PMM2: variants seen among roughly 807,000 people sequenced by gnomAD.
PMM2 encodes the protein phosphomannomutase 2.
PMM2 carries 35 observed loss-of-function variants against 33.2 expected under a neutral mutation model. The observed-to-expected ratio is 1.06, with a 90% CI of 0.81 to 1.40. The LOEUF (loss-of-function observed/expected upper bound fraction) is 1.40. Ranked by LOEUF, PMM2 falls within the 40% of genes most tolerant of loss-of-function variation. The pLI is 0.00. For missense variants in PMM2, 386 were observed against 306.0 expected, an observed-to-expected ratio of 1.26 and a Z score of -1.95; for synonymous variants, 153 against 114.7, an observed-to-expected ratio of 1.33 and a Z score of -2.13.
chr16:8,837,187 A>G (rs1048395698), intron 7 of PMM2, among the ~76,000 whole-genome samples: 2 of 152,008 alleles, frequency 1.3e-5, no homozygotes, highest in Non-Finnish European at 2.9e-5. Context: ...CACTGGGCAC[A>G]GAGACTAGGA....
At chr16:8,801,633 C>T (rs2060616919) in intron 1 of PMM2, among the ~76,000 whole-genome samples, 166 bp from the exon 2 acceptor site, 1 of 152,124 alleles carries the variant, frequency 6.6e-6, no homozygotes, top group Admixed American at 6.5e-5. Context: ...GACCATGCCA[C>T]TGCACTCCAG....
chr16:8,835,165 CA>C (rs1417022251), intron 7 of PMM2, among the ~76,000 whole-genome samples: 1 of 149,832 alleles, frequency 6.7e-6, no homozygotes, highest in East Asian at 2.0e-4. Context: ...GTTGTTTGGA[CA>C]GAAAGGCTAC....
intron 7 of PMM2, among the ~76,000 whole-genome samples, chr16:8,839,361 G>A (rs773626649): frequency 7.2e-5 from 11 of 151,974 alleles, no homozygotes; most frequent in Non-Finnish European, 1.2e-4. Flanking sequence ...GTGCTGCAAG[G>A]GGTGTCTTGT....
chr16:8,843,640 C>A (rs2060905289), intron 7 of PMM2, among the ~76,000 whole-genome samples: 1 of 152,068 alleles, frequency 6.6e-6, no homozygotes, highest in Non-Finnish European at 1.5e-5. Flanking sequence ...TGGGGTTTGT[C>A]TCACAGTGGA....
intron 7 of PMM2, among the ~76,000 whole-genome samples, chr16:8,831,705 C>T (rs564382847): frequency 6.6e-6 from 1 of 152,328 alleles, no homozygotes; most frequent in South Asian, 2.1e-4. Context: ...CTGCACAGGT[C>T]AGCAACAGCA....
At chr16:8,810,811 A>G (rs2060673110) in intron 4 of PMM2, 2 of 490,594 alleles carry the variant, frequency 4.1e-6, no homozygotes, top group Admixed American at 6.8e-5. Context: ...GCATTTTAAC[A>G]CAAAGTCAAT....
chr16:8,805,612 C>A (rs1022607820), intron 3 of PMM2, among the ~76,000 whole-genome samples: 1 of 147,376 alleles, frequency 6.8e-6, no homozygotes, highest in Non-Finnish European at 1.5e-5. Flanking sequence ...TTTCTTTTTT[C>A]GTGGTGGAAT....
chr16:8,835,172 G>C (rs868590392), intron 7 of PMM2, among the ~76,000 whole-genome samples: 1,572 of 150,142 alleles, frequency 0.01, 9 homozygotes, highest in African/African-American at 0.037. Flanking sequence ...GGACAGAAAG[G>C]CTACAGGGTG....
rs1452591006 is a variant in PMM2, at chr16:8,804,037, T to G, written c.179-730T>G. On this transcript the variant is annotated intron_variant, in intron 2 of 7. Coordinates refer to ENST00000268261, the MANE Select transcript of PMM2 (RefSeq NM_000303.3). ...TGTTTTTTGGGTTTTTTTTGTTTTT[T>G]TTTTTTTTTTTTTTGACGTTAGACA... Among the ~76,000 whole-genome samples the G allele has an allele frequency of 7.8e-5, 9 of 114,706 alleles. 1 individual carries two copies. The highest frequency in any genetic ancestry group is 1.3e-4 in the African/African-American group (4 of 31,854). The allele number at this position is 114,706 out of a possible 152,430, so 75.3% of individuals were successfully genotyped here. A position where few individuals can be genotyped will look rare whatever the true frequency, so the allele number is the denominator to read the frequency against.
At chr16:8,826,138 A>G (rs1305750054) in intron 7 of PMM2, among the ~76,000 whole-genome samples, 2 of 152,236 alleles carry the variant, frequency 1.3e-5, no homozygotes, top group East Asian at 3.8e-4. Context: ...GAAAAAATTA[A>G]ATAATACCCT....
intron 7 of PMM2, among the ~76,000 whole-genome samples, chr16:8,844,713 C>T (rs958025765): frequency 3.9e-5 from 6 of 152,192 alleles, no homozygotes; most frequent in African/African-American, 7.2e-5. Context: ...CCGTGACCGG[C>T]GCCGGTTTTT....
At chr16:8,815,333 T>C (rs766181579) in intron 7 of PMM2, among the ~76,000 whole-genome samples, 1 of 151,922 alleles carries the variant, frequency 6.6e-6, no homozygotes, top group Non-Finnish European at 1.5e-5. Context: ...GTTCAAGTGA[T>C]TCTCGTGCCT....
intron 7 of PMM2, among the ~76,000 whole-genome samples, chr16:8,844,448 C>T (rs751450226): frequency 5.3e-5 from 8 of 151,892 alleles, no homozygotes; most frequent in Non-Finnish European, 7.4e-5. Flanking sequence ...CCCAGAAAAG[C>T]GGGACTTGCC....
intron 7 of PMM2, among the ~76,000 whole-genome samples, chr16:8,831,918 C>T (rs1403345472): frequency 6.6e-6 from 1 of 152,150 alleles, no homozygotes; most frequent in East Asian, 1.9e-4. Flanking sequence ...ATTCTTCCCT[C>T]CCCCCTTCCC....
chr16:8,818,999 A>G (rs537718384), intron 7 of PMM2, among the ~76,000 whole-genome samples: 1 of 152,320 alleles, frequency 6.6e-6, no homozygotes, highest in East Asian at 1.9e-4. Flanking sequence ...GTACTTACCC[A>G]TGCTTTCTGT....
chr16:8,845,464 G>T, intron 7 of PMM2, among the ~76,000 whole-genome samples: 1 of 152,162 alleles, frequency 6.6e-6, no homozygotes, highest in East Asian at 1.9e-4. Context: ...GACAGTAGGT[G>T]TTCTAGAAAG....
intron 1 of PMM2, among the ~76,000 whole-genome samples, chr16:8,799,268 C>T (rs759881048): frequency 2.0e-5 from 3 of 152,206 alleles, no homozygotes; most frequent in Non-Finnish European, 1.5e-5. Flanking sequence ...CTAGGGTTTA[C>T]ATTGCCACCC....
chr16:8,848,034 G>A lies in PMM2; in HGVS notation c.*209G>A, dbSNP rs1161380632. Reference sequence around the variant, plus strand: ...AAACTCTTGTCAAGAATGGCCCAGAGGAATGCCTCGCACAAAAGGTCTTCC... The same window carrying A: ...AAACTCTTGTCAAGAATGGCCCAGAAGAATGCCTCGCACAAAAGGTCTTCC... On this transcript the variant is annotated 3_prime_UTR_variant, in exon 8 of 8. Transcript: ENST00000268261. The A allele has an allele frequency of 1.7e-6, 1 of 573,508 alleles. No homozygotes were observed. The highest frequency in any genetic ancestry group is 3.0e-5 in the East Asian group (1 of 33,366). The allele number at this position is 573,508 out of a possible 1,614,324, so 35.5% of individuals were successfully genotyped here.
intron 7 of PMM2, among the ~76,000 whole-genome samples, chr16:8,827,745 TATATATATATATATATGCACAC>T (rs1467418720): frequency 2.3e-3 from 135 of 58,148 alleles, no homozygotes; most frequent in African/African-American, 8.2e-3. Context: ...TATATATATA[TATATATATATATATATGCACAC>T]ATTTATATAT....
Sources: allele counts gnomAD v4.1 joint callset (sites outside exome capture counted in the v4.1 genomes callset), GRCh38; gene constraint gnomAD v4.1.1; transcripts MANE v1.5; gene names NCBI Gene and HGNC (gene_info 2026-07-23, HGNC 2026-07-21).